SNX27: variants seen among roughly 807,000 people sequenced by gnomAD.
SNX27 encodes sorting nexin 27, also known as sorting nexin-27.
In SNX27, 22 loss-of-function variants were observed where a neutral mutation model predicts 71.6. The ratio of observed to expected loss-of-function variants is 0.31; its 90% CI spans 0.22 to 0.44. The LOEUF (loss-of-function observed/expected upper bound fraction) is 0.44. Among genes scored for constraint, SNX27 ranks in the 20% least tolerant of loss-of-function variants. The pLI is 1.00. For missense variants in SNX27, 531 were observed against 698.6 expected, an observed-to-expected ratio of 0.76 and a Z score of 2.70; for synonymous variants, 269 against 277.2, an observed-to-expected ratio of 0.97 and a Z score of 0.29.
chr1:151,666,554 G>C (rs1292792612), intron 6 of SNX27: 1 of 152,210 alleles, frequency 6.6e-6, no homozygotes, highest in African/African-American at 2.4e-5. Flanking sequence ...TGGTTGCATT[G>C]AGACTACAAA....
At chr1:151,638,783 A>G (rs1668586093) in intron 1 of SNX27, 105 bp from the exon 2 acceptor site, 2 of 982,504 alleles carry the variant, frequency 2.0e-6, no homozygotes, top group African/African-American at 1.6e-5. Flanking sequence ...TTTTGACTTC[A>G]TGGTTCATAC....
rs372822229 is a variant in SNX27, at chr1:151,692,631, T to C, written c.1389+47T>C. On this transcript the variant is annotated intron_variant, in intron 9 of 11. Coordinates refer to ENST00000458013, the MANE Select transcript of SNX27 (RefSeq NM_001330723.2). The stretch of plus-strand genomic sequence containing the variant: ...CTGGCTGCGAGGACTGGAGATACTT[T>C]GATGCTCACTTGCTTGTGACGTTTT... The C allele has an allele frequency of 6.9e-6, 11 of 1,587,476 alleles. No individual in the cohort carries two copies. The Middle Eastern group carries it at 6.1e-4, about 88-fold the overall frequency.
At position 151,612,387 on chromosome 1, in the gene SNX27, C is replaced by A; in HGVS notation, c.186C>A (p.Ser62Arg). The stretch of plus-strand genomic sequence containing the variant: ...GCTTCAACGTGCGGGGCCAAGTGAG[C>A]GAGGGCGGGCAACTGCGGAGCATCA... Reference protein sequence around the residue: ...GYGFNVRGQVSEGGQLRSING... With the variant: ...GYGFNVRGQVREGGQLRSING... Residue 62 changes from serine to arginine, a missense_variant, in exon 1 of 12, where the codon AGC (serine) becomes AGA (arginine). By Grantham distance (110) the Ser-to-Arg change is moderately radical. This residue lies in a region of SNX27 where 130 missense variants were observed against 143.5 expected (regional missense o/e 0.91). Transcript: ENST00000458013. This position sits in a 1 kb window ranked among gnomAD's most constrained non-coding sequence, Gnocchi z 5.2. 6.5e-7 allele frequency: 1 copy of A among 1,531,112 alleles called. No individual in the cohort carries two copies. The highest frequency in any genetic ancestry group is 8.8e-7 in the Non-Finnish European group (1 of 1,141,676). 94.8% of individuals were successfully genotyped at this position (1,531,112 alleles called of 1,614,324 possible).
At chr1:151,616,400 A>G (rs1263221599) in intron 1 of SNX27, among the ~76,000 whole-genome samples, 2 of 152,230 alleles carry the variant, frequency 1.3e-5, no homozygotes, top group African/African-American at 4.8e-5. Context: ...TTGGCTTGCA[A>G]GCATTCAAAA....
chr1:151,659,339 C>T (rs1476901493), intron 3 of SNX27, among the ~76,000 whole-genome samples: 1 of 152,010 alleles, frequency 6.6e-6, no homozygotes, highest in African/African-American at 2.4e-5. Context: ...CCTCTGCCTC[C>T]CAGGTTCAAG....
In SNX27 at chr1:151,694,348, CTCTT is replaced by C. The variant is rs1671603824; in HGVS notation, c.1579-20_1579-17del. On this transcript the variant is annotated intron_variant, in intron 11 of 11. Coordinates refer to ENST00000458013, the MANE Select transcript of SNX27 (RefSeq NM_001330723.2). ...AAGAGGAGATGTGCCTTCCCAATAA[CTCTT>C]TTTTTTTTTCCTTTCAGAACATTTT... 2 of 1,549,372 alleles carry C rather than the reference CTCTT, an allele frequency of 1.3e-6. No individual in the cohort carries two copies. The highest frequency in any genetic ancestry group is 1.7e-6 in the Non-Finnish European group (2 of 1,146,694).
intron 2 of SNX27, among the ~76,000 whole-genome samples, chr1:151,645,429 T>A (rs1668989899): frequency 6.6e-6 from 1 of 152,248 alleles, no homozygotes; most frequent in Non-Finnish European, 1.5e-5. Context: ...CTCTGGGTTC[T>A]GTAATATTCC....
intron 2 of SNX27, among the ~76,000 whole-genome samples, chr1:151,657,023 G>A (rs1012615044): frequency 6.6e-6 from 1 of 152,138 alleles, no homozygotes; most frequent in African/African-American, 2.4e-5. Flanking sequence ...ATAACTTTTT[G>A]CGGTCAGAGA....
chr1:151,689,841 C>G (rs1486714695), intron 8 of SNX27, among the ~76,000 whole-genome samples: 1 of 145,350 alleles, frequency 6.9e-6, no homozygotes, highest in Non-Finnish European at 1.5e-5. Flanking sequence ...TTTATTGTAT[C>G]TATATATACT....
At chr1:151,663,830 C>T (rs1670069119) in intron 5 of SNX27, among the ~76,000 whole-genome samples, 1 of 152,058 alleles carries the variant, frequency 6.6e-6, no homozygotes, top group Non-Finnish European at 1.5e-5. Context: ...GTAAAATTCA[C>T]CACTGATCTT....
intron 2 of SNX27, among the ~76,000 whole-genome samples, chr1:151,641,620 T>TATATATCATATGTATC (rs1668735900): frequency 2.2e-5 from 3 of 133,586 alleles, no homozygotes; most frequent in Non-Finnish European, 4.7e-5. Flanking sequence ...TATATATATA[T>TATATATCATATGTATC]ATATATATAT....
intron 8 of SNX27, among the ~76,000 whole-genome samples, chr1:151,684,816 GT>G (rs944807342): frequency 1.3e-5 from 2 of 148,582 alleles, no homozygotes; most frequent in African/African-American, 4.9e-5. Context: ...TATTTAAACT[GT>G]TTTTTTTTTG....
chr1:151,651,197 A>G (rs1669328267), intron 2 of SNX27, among the ~76,000 whole-genome samples: 1 of 145,194 alleles, frequency 6.9e-6, no homozygotes, highest in East Asian at 2.1e-4. Flanking sequence ...GGCGCCCCTC[A>G]CCTCCCGGGC....
chr1:151,693,634 A>G (rs1671565404), intron 11 of SNX27, 151 bp downstream of exon 11: 7 of 1,613,566 alleles, frequency 4.3e-6, no homozygotes, highest in Non-Finnish European at 5.9e-6. Flanking sequence ...GAGCCAGGAC[A>G]TTCTTCCAGC....
chr1:151,614,111 A>C (rs1375691132), intron 1 of SNX27: 1 of 150,030 alleles, frequency 6.7e-6, no homozygotes, highest in African/African-American at 2.5e-5. Flanking sequence ...CATGGTGTCC[A>C]CTCATTCTGT....
In SNX27 at chr1:151,694,501, A is replaced by G. The variant is rs1671614341; in HGVS notation, c.*84A>G. ...ATTTCAGACAGAGTAACCATTAACA[A>G]AAAAGAAGAGAAAAAGTTAAAGTCG... On this transcript the variant is annotated 3_prime_UTR_variant, in exon 12 of 12. Coordinates refer to ENST00000458013, the MANE Select transcript of SNX27 (RefSeq NM_001330723.2). 1.5e-6 allele frequency: 2 copies of G among 1,358,934 alleles called. No homozygotes were observed. Among genetic ancestry groups the G allele is most frequent in the Non-Finnish European group, 2.0e-6 (2 of 1,005,238 alleles). The allele number at this position is 1,358,934 out of a possible 1,614,324, so 84.2% of individuals were successfully genotyped here.
At chr1:151,681,081 T>C (rs372940932) in intron 7 of SNX27, among the ~76,000 whole-genome samples, 19 of 152,236 alleles carry the variant, frequency 1.2e-4, no homozygotes, top group East Asian at 9.6e-4. Context: ...TAATAATAGC[T>C]ACTGATATAT....
intron 1 of SNX27, among the ~76,000 whole-genome samples, chr1:151,613,031 T>G (rs530053950): frequency 3.2e-4 from 49 of 152,138 alleles, no homozygotes; most frequent in African/African-American, 1.2e-3. Flanking sequence ...ACCTCTGGTC[T>G]GCTCCTACTT....
intron 2 of SNX27, among the ~76,000 whole-genome samples, chr1:151,653,294 G>A (rs1272988666): frequency 1.3e-5 from 2 of 152,078 alleles, no homozygotes; most frequent in Non-Finnish European, 2.9e-5. Context: ...ACAATGTCAA[G>A]CATCATGTGT....
Sources: gnomAD v4.1 joint callset for allele counts (sites outside exome capture counted in the v4.1 genomes callset) on GRCh38, gnomAD v4.1.1 for gene constraint, gnomAD v4.1.1 regional missense constraint, Gnocchi (gnomAD v3.1) non-coding constraint, MANE v1.5 for transcripts, NCBI Gene and HGNC (gene_info 2026-07-23, HGNC 2026-07-21) for gene names.